Variants in COMMD10 observed in about 807,000 individuals in gnomAD.
COMMD10 encodes the protein COMM domain containing 10.
COMMD10 carries 33 observed loss-of-function variants against 28.9 expected under a neutral mutation model. The observed-to-expected ratio is 1.14, with a 90% CI of 0.87 to 1.53. The LOEUF is 1.53. COMMD10 is among the 40% of genes most tolerant of loss of function. The pLI, the probability that COMMD10 is intolerant of heterozygous loss-of-function variation, is 0.00. For missense variants in COMMD10, 310 were observed against 233.4 expected, an observed-to-expected ratio of 1.33 and a Z score of -2.14; for synonymous variants, 110 against 81.7, an observed-to-expected ratio of 1.35 and a Z score of -1.87.
intron 5 of COMMD10, chr5:116,218,348 G>A (rs1056093174): frequency 9.4e-6 from 6 of 641,258 alleles, no homozygotes; most frequent in Non-Finnish European, 1.2e-5. Flanking sequence ...GGATGCAGAG[G>A]CATGTGGGCT....
chr5:116,092,194 A>G (rs187709475), intron 3 of COMMD10, among the ~76,000 whole-genome samples: 1 of 152,224 alleles, frequency 6.6e-6, no homozygotes, highest in South Asian at 2.1e-4. Context: ...AAACTATTGT[A>G]TACTTATTTG....
At chr5:116,233,262 TTATTC>T (rs1382125807) in intron 5 of COMMD10, among the ~76,000 whole-genome samples, 5 of 152,112 alleles carry the variant, frequency 3.3e-5, no homozygotes. Flanking sequence ...ATAGTTATAA[TTATTC>T]TATTTTATTA....
At chr5:116,266,466 T>C (rs575795629) in intron 5 of COMMD10, among the ~76,000 whole-genome samples, 15 of 151,942 alleles carry the variant, frequency 9.9e-5, no homozygotes, top group African/African-American at 3.4e-4. Context: ...TTTATGGATA[T>C]TGTTTTTTAC....
At chr5:116,273,086 G>A (rs1436173418) in intron 5 of COMMD10, among the ~76,000 whole-genome samples, 1 of 151,740 alleles carries the variant, frequency 6.6e-6, no homozygotes, top group African/African-American at 2.4e-5. Flanking sequence ...TGTGATGCTT[G>A]TTCTTGCTTC....
chr5:116,238,790 G>A (rs4386763), intron 5 of COMMD10, among the ~76,000 whole-genome samples: 108,664 of 152,034 alleles, frequency 0.71, 41,545 homozygotes, highest in South Asian at 0.85. Context: ...AGGTTTGTGA[G>A]GGAGAGACTG....
rs564933711 is a variant in COMMD10 at position 116,147,430 on chromosome 5, C to T, written c.510+13252C>T. ...CAAACTCATTTTAACTTGCTTGTTT[C>T]GTAAATGTTTGATTCCTAAGTATAA... On this transcript the variant is annotated intron_variant, in intron 5 of 6. Transcript: ENST00000274458. Among the ~76,000 whole-genome samples the T allele has an allele frequency of 1.8e-4, 27 of 151,802 alleles. No homozygotes were observed. The South Asian group carries it at 4.4e-3, about 25-fold the overall frequency.
intron 5 of COMMD10, among the ~76,000 whole-genome samples, chr5:116,160,181 G>C (rs529251675): frequency 7.9e-5 from 12 of 152,306 alleles, no homozygotes; most frequent in Non-Finnish European, 1.8e-4. Context: ...AATGAAACTA[G>C]AAATAGAGAT....
intron 5 of COMMD10, among the ~76,000 whole-genome samples, chr5:116,154,083 A>G (rs953814539): frequency 1.3e-5 from 2 of 152,084 alleles, no homozygotes; most frequent in Admixed American, 1.3e-4. Flanking sequence ...ACAGACAGGC[A>G]GTGTCTGAGG....
chr5:116,178,971 C>T (rs903884371), intron 5 of COMMD10, among the ~76,000 whole-genome samples: 5 of 152,056 alleles, frequency 3.3e-5, no homozygotes, highest in Admixed American at 6.6e-5. Flanking sequence ...GGATTTCAGA[C>T]GCTCTGTGTT....
chr5:116,196,323 C>T (rs1477398357), intron 5 of COMMD10, among the ~76,000 whole-genome samples: 1 of 151,988 alleles, frequency 6.6e-6, no homozygotes, highest in Non-Finnish European at 1.5e-5. Flanking sequence ...TAGAATGATA[C>T]AGTGGACTTC....
In COMMD10 at chr5:116,092,609, A is replaced by G; in HGVS notation, c.308A>G (p.Gln103Arg). The G allele has an allele frequency of 6.2e-7, 1 of 1,612,188 alleles. No individual in the cohort carries two copies. The highest frequency in any genetic ancestry group is 1.1e-5 in the South Asian group (1 of 90,688). Residue 103 changes from glutamine (Q) to arginine (R), a missense_variant, in exon 4 of 7, where the codon CAA becomes CGA. Gln to Arg is a conservative substitution (Grantham distance 43, BLOSUM62 1). Coordinates refer to ENST00000274458, the MANE Select transcript of COMMD10 (RefSeq NM_016144.4). ...CAATTAGAGAACATTCATCTTAGAC[A>G]AGACAAAGCTGAAGCATTTGTCAAT... ...QQQLENIHLR[Q>R]DKAEAFVNTW...
At chr5:116,108,019 A>G (rs554839866) in intron 4 of COMMD10, among the ~76,000 whole-genome samples, 1 of 152,334 alleles carries the variant, frequency 6.6e-6, no homozygotes, top group Admixed American at 6.5e-5. Context: ...AACAGCAAAG[A>G]TTGCTGCCTC....
intron 4 of COMMD10, among the ~76,000 whole-genome samples, chr5:116,121,182 C>A (rs1207591464): frequency 6.6e-6 from 1 of 151,658 alleles, no homozygotes; most frequent in East Asian, 1.9e-4. Flanking sequence ...CTTCCTCTGT[C>A]CAAGTGTTCT....
At chr5:116,145,828 A>G (rs1348392276) in intron 5 of COMMD10, among the ~76,000 whole-genome samples, 2 of 151,910 alleles carry the variant, frequency 1.3e-5, no homozygotes, top group African/African-American at 2.4e-5. Flanking sequence ...TGCCAACTTA[A>G]GAAGAAGGTG....
At chr5:116,225,354 A>T (rs1382341) in intron 5 of COMMD10, among the ~76,000 whole-genome samples, 82,119 of 132,158 alleles carry the variant, frequency 0.62, 28,292 homozygotes, top group South Asian at 0.78. Flanking sequence ...TTTTTTGGGG[A>T]TTTTTTTTTT....
At chr5:116,175,575 G>A (rs1314261286) in intron 5 of COMMD10, among the ~76,000 whole-genome samples, 1 of 151,860 alleles carries the variant, frequency 6.6e-6, no homozygotes, top group African/African-American at 2.4e-5. Flanking sequence ...ATCCACCCAT[G>A]TTTGTAGCAG....
At chr5:116,268,359 A>G (rs898487126) in intron 5 of COMMD10, among the ~76,000 whole-genome samples, 27 of 152,090 alleles carry the variant, frequency 1.8e-4, no homozygotes, top group African/African-American at 4.8e-4. Context: ...AATGCTCATC[A>G]TCACTGGCCA....
At chr5:116,156,513 C>G (rs931646935) in intron 5 of COMMD10, among the ~76,000 whole-genome samples, 11 of 152,074 alleles carry the variant, frequency 7.2e-5, no homozygotes, top group African/African-American at 2.7e-4. Flanking sequence ...CTTACAACAC[C>G]ATTATTTGAG....
intron 4 of COMMD10, among the ~76,000 whole-genome samples, chr5:116,099,831 A>G (rs1348519213): frequency 1.3e-5 from 2 of 151,984 alleles, no homozygotes; most frequent in Admixed American, 1.3e-4. Context: ...TGAGTTCCTT[A>G]TGTATTTTGT....
Sources: gnomAD v4.1 joint callset for allele counts (sites outside exome capture counted in the v4.1 genomes callset) on GRCh38, gnomAD v4.1.1 for gene constraint, MANE v1.5 for transcripts, NCBI Gene and HGNC (gene_info 2026-07-23, HGNC 2026-07-21) for gene names.